GPC3: variants seen among roughly 807,000 people sequenced by gnomAD.
GPC3 encodes the protein glypican-3.
A neutral mutation model predicts 34.4 loss-of-function variants in GPC3; 3 were observed. The ratio of observed to expected loss-of-function variants is 0.09; its 90% CI spans 0.04 to 0.23. The LOEUF (loss-of-function observed/expected upper bound fraction) is 0.23. GPC3 is among the 10% of genes least tolerant of loss of function. The probability of loss-of-function intolerance (pLI) is 1.00; values close to 1 mark genes in which losing one functional copy is unlikely to be tolerated. For synonymous variants in GPC3, 177 were observed against 174.0 expected (o/e 1.02, Z -0.13); for missense variants, 351 against 445.6 (o/e 0.79, Z 1.91).
intron 6 of GPC3, among the ~76,000 whole-genome samples, chrX:133,602,208 C>T (rs1240287218): frequency 9.0e-6 from 1 of 111,191 alleles, no homozygotes; most frequent in African/African-American, 3.3e-5. Flanking sequence ...TATGTAGGAG[C>T]TAAAAAAAAG....
At chrX:133,753,040 G>A (rs903237808) in intron 3 of GPC3, among the ~76,000 whole-genome samples, 1 of 111,634 alleles carries the variant, frequency 9.0e-6, no homozygotes, top group Non-Finnish European at 1.9e-5. Flanking sequence ...TTTATAAAAT[G>A]AAGATAATAG....
At chrX:133,856,113 A>AT (rs2075899909) in intron 2 of GPC3, among the ~76,000 whole-genome samples, 1 of 112,170 alleles carries the variant, frequency 8.9e-6, no homozygotes, top group South Asian at 3.7e-4. Context: ...TTCTGATTTC[A>AT]TTTCCTTTGG....
chrX:133,650,677 T>C (rs1272060862), intron 6 of GPC3, among the ~76,000 whole-genome samples: 1 of 111,209 alleles, frequency 9.0e-6, no homozygotes, highest in Non-Finnish European at 1.9e-5. Context: ...GTCTCTCCAT[T>C]TCAGAAATTG....
chrX:133,855,905 G>A (rs1054896497), intron 2 of GPC3, among the ~76,000 whole-genome samples: 2 of 111,313 alleles, frequency 1.8e-5, no homozygotes, highest in African/African-American at 6.5e-5. Context: ...ATTGCACTCC[G>A]TGTAATGTCC....
intron 7 of GPC3, among the ~76,000 whole-genome samples, chrX:133,575,746 G>A (rs191117029): frequency 7.2e-5 from 8 of 111,745 alleles, no homozygotes; most frequent in Non-Finnish European, 1.3e-4. Flanking sequence ...ATGTACTGTG[G>A]ATCAATAATT....
intron 3 of GPC3, among the ~76,000 whole-genome samples, chrX:133,744,946 A>G (rs1231878139): frequency 9.1e-6 from 1 of 110,369 alleles, no homozygotes; most frequent in African/African-American, 3.3e-5. Context: ...CTCATTCATA[A>G]GTAGGAGTTG....
chrX:133,874,302 A>G (rs1290133402), intron 2 of GPC3, among the ~76,000 whole-genome samples: 1 of 111,967 alleles, frequency 8.9e-6, no homozygotes, highest in East Asian at 2.8e-4. Flanking sequence ...GGTTTGACCA[A>G]TAATTTCTTT....
At chrX:133,785,346 A>G (rs1260353366) in intron 2 of GPC3, among the ~76,000 whole-genome samples, 3 of 111,106 alleles carry the variant, frequency 2.7e-5, no homozygotes, top group Non-Finnish European at 3.8e-5. Context: ...CCATAGCTCT[A>G]CTACTTTTTG....
chrX:133,952,924 G>A (rs975687769), intron 2 of GPC3, 126 bp downstream of exon 2: 1 of 617,361 alleles, frequency 1.6e-6, no homozygotes, highest in Non-Finnish European at 2.7e-6. Context: ...TTCTCACTGG[G>A]AGGTTTTTAA....
chrX:133,803,789 T>C (rs887963269), intron 2 of GPC3, among the ~76,000 whole-genome samples: 5 of 111,745 alleles, frequency 4.5e-5, no homozygotes, highest in Admixed American at 1.9e-4. Context: ...AAAACAACTT[T>C]TCTCAAATTT....
chrX:133,821,558 A>T (rs1165863161), intron 2 of GPC3, among the ~76,000 whole-genome samples: 1 of 111,987 alleles, frequency 8.9e-6, no homozygotes, highest in Admixed American at 9.5e-5. Flanking sequence ...TATTCGGAAC[A>T]CTTGAAATGG....
At chrX:133,613,371 A>G (rs1339279273) in intron 6 of GPC3, among the ~76,000 whole-genome samples, 1 of 112,031 alleles carries the variant, frequency 8.9e-6, no homozygotes, top group African/African-American at 3.2e-5. Context: ...AAGAAACCAA[A>G]CTGAGCTTGT....
intron 7 of GPC3, among the ~76,000 whole-genome samples, chrX:133,595,050 C>A (rs2069897462): frequency 9.1e-6 from 1 of 109,995 alleles, no homozygotes; most frequent in Admixed American, 9.8e-5. Context: ...CAGAGAGAGA[C>A]CCTATCTCAA....
chrX:133,586,797 C>CT (rs774221894), intron 7 of GPC3, among the ~76,000 whole-genome samples: 7 of 111,282 alleles, frequency 6.3e-5, no homozygotes, highest in African/African-American at 9.8e-5. Context: ...TGGAGAACAT[C>CT]TTTTTTTTCA....
chrX:133,623,304 T>C (rs987869443), intron 6 of GPC3, among the ~76,000 whole-genome samples: 4 of 111,676 alleles, frequency 3.6e-5, no homozygotes, highest in Non-Finnish European at 7.5e-5. Flanking sequence ...AATTCACACA[T>C]AACAATATTA....
chrX:133,574,985 T>C (rs2069665423), intron 7 of GPC3, among the ~76,000 whole-genome samples: 1 of 111,784 alleles, frequency 8.9e-6, no homozygotes, highest in South Asian at 3.7e-4. Context: ...TTACAAGGCA[T>C]AGACAGGAGT....
chrX:133,765,595 T>C (rs189424017), intron 2 of GPC3, among the ~76,000 whole-genome samples: 31 of 111,735 alleles, frequency 2.8e-4, no homozygotes, highest in Non-Finnish European at 4.3e-4. Flanking sequence ...TGTGTGCATT[T>C]TACATAGCCT....
chrX:133,878,799 G>A (rs149307524), intron 2 of GPC3, among the ~76,000 whole-genome samples: 30 of 111,465 alleles, frequency 2.7e-4, no homozygotes, highest in African/African-American at 9.1e-4. Flanking sequence ...GTCAAATAAG[G>A]GCTAAAAGAA....
intron 3 of GPC3, among the ~76,000 whole-genome samples, chrX:133,712,007 A>G (rs2071273471): frequency 8.9e-6 from 1 of 112,584 alleles, no homozygotes; most frequent in African/African-American, 3.2e-5. Flanking sequence ...ATATTTTTTG[A>G]AGAATATAAA....
Sources: allele counts gnomAD v4.1 joint callset (sites outside exome capture counted in the v4.1 genomes callset), GRCh38; gene constraint gnomAD v4.1.1; transcripts MANE v1.5; gene names NCBI Gene and HGNC (gene_info 2026-07-23, HGNC 2026-07-21).